Variants in SLC4A7 observed in about 807,000 individuals in gnomAD.
The protein encoded by SLC4A7 is sodium bicarbonate cotransporter 3.
SLC4A7 carries 51 observed loss-of-function variants against 137.6 expected under a neutral mutation model. The observed-to-expected ratio is 0.37, with a 90% CI of 0.30 to 0.47. The LOEUF (loss-of-function observed/expected upper bound fraction) is 0.47, where lower values mean the gene tolerates loss of function less well. Ranked by LOEUF, SLC4A7 falls within the 20% of genes least tolerant of loss-of-function variation. The pLI, the probability that SLC4A7 is intolerant of heterozygous loss-of-function variation, is 1.00. For missense variants in SLC4A7, 1,247 were observed against 1,525.4 expected (o/e 0.82, Z 3.04); for synonymous variants, 542 against 518.6 (o/e 1.05, Z -0.61).
chr3:27,440,488 G>A (rs2057103990), intron 3 of SLC4A7, among the ~76,000 whole-genome samples: 1 of 152,146 alleles, frequency 6.6e-6, no homozygotes, highest in Non-Finnish European at 1.5e-5. Context: ...AGCACTTTGG[G>A]AGGCCGAGGC....
intron 24 of SLC4A7, among the ~76,000 whole-genome samples, chr3:27,381,455 G>A (rs1008336901): frequency 1.3e-5 from 2 of 152,114 alleles, no homozygotes; most frequent in African/African-American, 4.8e-5. Context: ...GCAGATCGCT[G>A]TGGCTGGATA....
chr3:27,422,011 T>C (rs2055031366), intron 8 of SLC4A7, among the ~76,000 whole-genome samples: 2 of 152,328 alleles, frequency 1.3e-5, no homozygotes, highest in East Asian at 1.9e-4. Flanking sequence ...ACAATCTTTA[T>C]CAAACATGAA....
In SLC4A7 at chr3:27,431,583, G is replaced by A. The variant is rs770509792; in HGVS notation, c.865C>T (p.Leu289Phe). ...GAAGGAAGAAGATGACCAAGAAGAA[G>A]AGATAAAGGTGATTCTCCTCTCAAG... ...LSLRGESPLSLLLGHLLPSSR... is the reference protein window; with the variant it reads ...LSLRGESPLSFLLGHLLPSSR... The change falls in exon 7 of 26, where the codon CTT (leucine) becomes TTT (phenylalanine). Residue 289 changes from leucine to phenylalanine, a missense_variant. Coordinates refer to ENST00000454389, the MANE Select transcript of SLC4A7 (RefSeq NM_001321103.2). 1 of 1,613,970 alleles carries A rather than the reference G, an allele frequency of 6.2e-7. No homozygotes were observed. The highest frequency in any genetic ancestry group is 1.7e-5 in the Admixed American group (1 of 60,004).
intron 23 of SLC4A7, among the ~76,000 whole-genome samples, chr3:27,384,840 G>T (rs1285049058): frequency 6.6e-6 from 1 of 151,918 alleles, no homozygotes; most frequent in Non-Finnish European, 1.5e-5. Flanking sequence ...GCGGGTGCCT[G>T]TAATCCCAGC....
At position 27,484,072 on chromosome 3, in the gene SLC4A7, T is replaced by C; in HGVS notation, c.55A>G (p.Ser19Gly). The C allele has an allele frequency of 7.1e-7, 1 of 1,408,930 alleles. No homozygotes were observed. 87.3% of individuals were successfully genotyped at this position (1,408,930 alleles called of 1,614,324 possible). The change falls in exon 1 of 26, where the codon AGC becomes GGC. Residue 19 changes from serine to glycine, a missense_variant. Coordinates refer to ENST00000454389, the MANE Select transcript of SLC4A7 (RefSeq NM_001321103.2). ...CACCGCCGCGGCGCCCTCACCCTGC[T>C]CGTTACCCGGGTGAGTAGCGGTCTC... is the stretch of plus-strand genomic sequence containing the variant. Reference protein sequence around the residue: ...QMRPLLTRVTSRGPDEEAVVD... With the variant: ...QMRPLLTRVTGRGPDEEAVVD...
intron 13 of SLC4A7, among the ~76,000 whole-genome samples, chr3:27,405,212 A>G (rs1156420455): frequency 6.6e-6 from 1 of 152,190 alleles, no homozygotes; most frequent in Non-Finnish European, 1.5e-5. Context: ...AACTCAATAC[A>G]GGCTGAGTAT....
intron 3 of SLC4A7, among the ~76,000 whole-genome samples, 170 bp downstream of exon 3, chr3:27,448,481 A>T (rs548512863): frequency 1.3e-4 from 19 of 151,320 alleles, no homozygotes; most frequent in Non-Finnish European, 2.1e-4. Flanking sequence ...AAAAATTATA[A>T]AAAAAAAATT....
At chr3:27,425,229 G>T (rs1006605512) in intron 7 of SLC4A7, among the ~76,000 whole-genome samples, 64 of 151,990 alleles carry the variant, frequency 4.2e-4, no homozygotes, top group Admixed American at 8.5e-4. Context: ...AATAAGCCGG[G>T]CGTGATGGCG....
chr3:27,423,995 G>T (rs1466649695), intron 8 of SLC4A7, 42 bp downstream of exon 8: 3 of 1,164,376 alleles, frequency 2.6e-6, no homozygotes, highest in Non-Finnish European at 3.9e-6. Context: ...TATTTCCTCA[G>T]TAAGAATAAT....
chr3:27,378,098 C>A (rs2050073699), intron 25 of SLC4A7, among the ~76,000 whole-genome samples: 1 of 151,914 alleles, frequency 6.6e-6, no homozygotes, highest in Admixed American at 6.5e-5. Flanking sequence ...ACTGAATGAT[C>A]CAAAATTACA....
intron 20 of SLC4A7, among the ~76,000 whole-genome samples, chr3:27,392,901 T>C (rs539298506): frequency 6.6e-6 from 1 of 152,088 alleles, no homozygotes; most frequent in African/African-American, 2.4e-5. Flanking sequence ...AATCTATAAA[T>C]ATCAAAATAA....
intron 1 of SLC4A7, among the ~76,000 whole-genome samples, chr3:27,455,714 C>A (rs1225030015): frequency 1.3e-5 from 2 of 151,716 alleles, no homozygotes; most frequent in East Asian, 3.9e-4. Context: ...CCTGTCTCTA[C>A]TAAAAATACA....
intron 3 of SLC4A7, among the ~76,000 whole-genome samples, chr3:27,445,489 G>C (rs1224680178): frequency 6.6e-6 from 1 of 152,004 alleles, no homozygotes; most frequent in Non-Finnish European, 1.5e-5. Context: ...CTTATACAAT[G>C]TCTTAAAACT....
chr3:27,419,654 T>G (rs1041400274), intron 10 of SLC4A7, among the ~76,000 whole-genome samples: 9 of 151,168 alleles, frequency 6.0e-5, no homozygotes, highest in Non-Finnish European at 1.2e-4. Context: ...AAATTTAAAT[T>G]TCACTATATG....
intron 1 of SLC4A7, among the ~76,000 whole-genome samples, chr3:27,465,953 C>CAAA (rs869147513): frequency 2.9e-4 from 35 of 122,536 alleles, no homozygotes; most frequent in African/African-American, 1.0e-3. Flanking sequence ...GAGTCCGTCT[C>CAAA]AAAAAAAAAA....
chr3:27,461,415 A>C (rs1464039436), intron 1 of SLC4A7, among the ~76,000 whole-genome samples: 2 of 151,984 alleles, frequency 1.3e-5, no homozygotes, highest in East Asian at 3.9e-4. Context: ...AAACAAAAAC[A>C]AAACAAAACA....
intron 1 of SLC4A7, among the ~76,000 whole-genome samples, chr3:27,471,587 G>T (rs893194181): frequency 2.0e-5 from 3 of 152,138 alleles, no homozygotes; most frequent in African/African-American, 7.2e-5. Context: ...GGTCAGACTG[G>T]TCTCAAACTC....
At chr3:27,423,602 G>T (rs1319243296) in intron 8 of SLC4A7, 1 of 153,078 alleles carries the variant, frequency 6.5e-6, no homozygotes, top group African/African-American at 2.4e-5. Flanking sequence ...CAAAAGTACT[G>T]ACACCATAAG....
At chr3:27,465,848 G>T (rs1308227558) in intron 1 of SLC4A7, among the ~76,000 whole-genome samples, 2 of 151,236 alleles carry the variant, frequency 1.3e-5, no homozygotes, top group African/African-American at 4.9e-5. Context: ...CAGCTACTCG[G>T]GAGGCTGAGG....
Sources: gnomAD v4.1 joint callset for allele counts (sites outside exome capture counted in the v4.1 genomes callset) on GRCh38, gnomAD v4.1.1 for gene constraint, MANE v1.5 for transcripts, NCBI Gene and HGNC (gene_info 2026-07-23, HGNC 2026-07-21) for gene names.